The following DAPK1 variants were observed in gnomAD, a reference collection of about 807,000 sequenced individuals.
DAPK1 encodes death associated protein kinase 1.
A neutral mutation model predicts 144.9 loss-of-function variants in DAPK1; 56 were observed. The ratio of observed to expected loss-of-function variants is 0.39; its 90% CI spans 0.31 to 0.48. The LOEUF (loss-of-function observed/expected upper bound fraction) is 0.48, where lower values mean the gene tolerates loss of function less well. DAPK1 is among the 20% of genes least tolerant of loss of function. The pLI, the probability that DAPK1 is intolerant of heterozygous loss-of-function variation, is 0.95. For synonymous variants in DAPK1, 690 were observed against 749.0 expected (o/e 0.92, Z 1.29); for missense variants, 1,454 against 1,875.4 (o/e 0.78, Z 4.15).
At chr9:87,640,884 C>G (rs760177192) in intron 9 of DAPK1, 37 bp downstream of exon 9, 23 of 1,602,204 alleles carry the variant, frequency 1.4e-5, no homozygotes, top group Non-Finnish European at 2.0e-5. Context: ...AGATCACTTT[C>G]TATGTGATTG....
chr9:87,689,845 T>G (rs949367367), intron 21 of DAPK1, among the ~76,000 whole-genome samples: 27 of 152,228 alleles, frequency 1.8e-4, no homozygotes, highest in African/African-American at 6.3e-4. Context: ...AGTTTTCTAT[T>G]CTGTTCCATT....
At chr9:87,700,737 G>A (rs1227400324) in intron 24 of DAPK1, among the ~76,000 whole-genome samples, 1 of 152,048 alleles carries the variant, frequency 6.6e-6, no homozygotes, top group Non-Finnish European at 1.5e-5. Flanking sequence ...CTAGGCTCAG[G>A]TGCTCCTCCC....
intron 2 of DAPK1, among the ~76,000 whole-genome samples, chr9:87,510,478 T>C (rs1435300807): frequency 1.3e-5 from 2 of 152,342 alleles, no homozygotes; most frequent in South Asian, 2.1e-4. Context: ...CTCCAGAGCA[T>C]GTCCTAGGCT....
At chr9:87,652,080 G>A (rs1036161023) in intron 17 of DAPK1, among the ~76,000 whole-genome samples, 2 of 146,566 alleles carry the variant, frequency 1.4e-5, no homozygotes, top group African/African-American at 5.1e-5. Context: ...CCTGAACCCG[G>A]GTCCTGATTC....
intron 2 of DAPK1, among the ~76,000 whole-genome samples, chr9:87,524,015 A>C (rs1468256557): frequency 6.6e-6 from 1 of 152,226 alleles, no homozygotes; most frequent in Non-Finnish European, 1.5e-5. Context: ...AAACATGTTG[A>C]AAGATGGTCT....
At position 87,599,419 on chromosome 9, in the gene DAPK1, G is replaced by C. The variant is rs573349499; in HGVS notation, c.63-5535G>C. On this transcript the variant is annotated intron_variant, in intron 2 of 25. Coordinates refer to ENST00000408954, the MANE Select transcript of DAPK1 (RefSeq NM_004938.4). ...GTAGTCAGATTAAATATATCAGTGA[G>C]TCAGACAGAGAAATTAGATGTCAGC... Among the ~76,000 whole-genome samples, 59 of 152,310 alleles carry C rather than the reference G, an allele frequency of 3.9e-4. 1 individual carries two copies. Among genetic ancestry groups the C allele is most frequent in the African/African-American group, 1.4e-3 (57 of 41,556 alleles).
At chr9:87,552,061 A>G (rs1826509711) in intron 2 of DAPK1, among the ~76,000 whole-genome samples, 1 of 151,818 alleles carries the variant, frequency 6.6e-6, no homozygotes, top group Non-Finnish European at 1.5e-5. Flanking sequence ...AGGCCTCGCG[A>G]GGCTGGCTCA....
In DAPK1 at chr9:87,696,319, A is replaced by C. The variant is rs764253766; in HGVS notation, c.2414-688A>C. Among the ~76,000 whole-genome samples, 10 of 152,222 alleles carry C rather than the reference A, an allele frequency of 6.6e-5. No homozygotes were observed. The South Asian group carries it at 1.0e-3, about 16-fold the overall frequency. ...CATAATAATGAAGGTACTTAGGGAA[A>C]GAGTTAAGCAGGTGCAGACATAAGT... On this transcript the variant is annotated intron_variant, in intron 21 of 25. Coordinates refer to ENST00000408954, the MANE Select transcript of DAPK1 (RefSeq NM_004938.4).
At chr9:87,677,629 A>G (rs924745257) in intron 19 of DAPK1, among the ~76,000 whole-genome samples, 3 of 152,212 alleles carry the variant, frequency 2.0e-5, no homozygotes, top group African/African-American at 7.2e-5. Flanking sequence ...TCTCAGATGA[A>G]GCAGACTCGG....
intron 2 of DAPK1, among the ~76,000 whole-genome samples, chr9:87,517,561 T>A (rs1393067311): frequency 2.0e-5 from 3 of 152,194 alleles, no homozygotes; most frequent in African/African-American, 7.2e-5. Flanking sequence ...GATGATCATT[T>A]CATTAACTGG....
intron 13 of DAPK1, 87 bp downstream of exon 13, chr9:87,646,646 A>T (rs1039914413): frequency 2.0e-6 from 2 of 995,076 alleles, no homozygotes; most frequent in Non-Finnish European, 3.1e-6. Flanking sequence ...AAAAAAATTT[A>T]TGTCCTAACT....
chr9:87,537,131 C>T (rs982724084), intron 2 of DAPK1, among the ~76,000 whole-genome samples: 4 of 152,022 alleles, frequency 2.6e-5, no homozygotes, highest in East Asian at 1.9e-4. Context: ...GGATTACAGG[C>T]GCCTGCCACC....
intron 21 of DAPK1, among the ~76,000 whole-genome samples, chr9:87,688,236 C>G (rs978687496): frequency 5.2e-4 from 79 of 152,188 alleles, no homozygotes; most frequent in Admixed American, 4.7e-3. Flanking sequence ...ATAATAGCCT[C>G]CAGCTCCATT....
At chr9:87,559,260 A>G (rs760625757) in intron 2 of DAPK1, among the ~76,000 whole-genome samples, 2 of 151,844 alleles carry the variant, frequency 1.3e-5, no homozygotes, top group African/African-American at 4.9e-5. Flanking sequence ...TGCCCCAGGT[A>G]TGCTTCTTTT....
intron 18 of DAPK1, among the ~76,000 whole-genome samples, chr9:87,665,164 C>T (rs1349724870): frequency 2.0e-5 from 3 of 150,606 alleles, no homozygotes; most frequent in Non-Finnish European, 2.9e-5. Context: ...CACCTATCAC[C>T]ACCTGACCTA....
chr9:87,643,378 A>T lies in DAPK1; in HGVS notation c.921A>T (p.Gln307His). 1 of 1,545,532 alleles carries T rather than the reference A, an allele frequency of 6.5e-7. No individual in the cohort carries two copies. The highest frequency in any genetic ancestry group is 1.2e-5 in the South Asian group (1 of 81,504). The change falls in exon 11 of 26, where the codon CAA (glutamine) becomes CAT (histidine). Residue 307 changes from glutamine (Q) to histidine (H), a missense_variant and splice_region_variant. Physicochemically the swap from Gln to His is conservative, Grantham distance 24. Transcript: ENST00000408954. ...KKFAARKKWK[Q>H]SVRLISLCQR... ...TTTTTTTTTTTTTTAAAAAAAAGCAATCCGTTCGCTTGATATCACTGTGCC... is the reference window on the plus strand; with the variant it reads ...TTTTTTTTTTTTTTAAAAAAAAGCATTCCGTTCGCTTGATATCACTGTGCC...
At chr9:87,527,994 A>G (rs1179423698) in intron 2 of DAPK1, among the ~76,000 whole-genome samples, 1 of 152,238 alleles carries the variant, frequency 6.6e-6, no homozygotes, top group Non-Finnish European at 1.5e-5. Context: ...GATTGCACAC[A>G]TGCATCCCAC....
intron 11 of DAPK1, among the ~76,000 whole-genome samples, chr9:87,643,728 A>G (rs915882058): frequency 2.0e-5 from 3 of 151,980 alleles, no homozygotes; most frequent in Non-Finnish European, 2.9e-5. Context: ...CGATGCAAAC[A>G]TAAGCACAGA....
chr9:87,703,454 A>G (rs1022869752), intron 25 of DAPK1, among the ~76,000 whole-genome samples: 9 of 147,236 alleles, frequency 6.1e-5, no homozygotes, highest in Middle Eastern at 3.5e-3. Flanking sequence ...TTTTATTTCC[A>G]GAGTCTGTTA....
Sources: allele counts gnomAD v4.1 joint callset (sites outside exome capture counted in the v4.1 genomes callset), GRCh38; gene constraint gnomAD v4.1.1; transcripts MANE v1.5; gene names NCBI Gene and HGNC (gene_info 2026-07-23, HGNC 2026-07-21).